GADL1: variants seen among roughly 807,000 people sequenced by gnomAD.
GADL1 encodes acidic amino acid decarboxylase GADL1.
Under a neutral mutation model 69.5 loss-of-function variants are expected in GADL1, and 71 were observed. The observed-to-expected ratio is 1.02, with a 90% CI of 0.84 to 1.25. GADL1 has a LOEUF of 1.25. Among genes scored for constraint, GADL1 ranks in the 50% most tolerant of loss-of-function variants. GADL1 has a pLI of 0.00. For missense variants in GADL1, 737 were observed against 631.8 expected (o/e 1.17, Z -1.79); for synonymous variants, 254 against 214.4 (o/e 1.18, Z -1.62).
chr3:30,832,768 T>C (rs1697813478), intron 11 of GADL1, among the ~76,000 whole-genome samples: 1 of 152,070 alleles, frequency 6.6e-6, no homozygotes, highest in Non-Finnish European at 1.5e-5. Flanking sequence ...CAAATAGTCA[T>C]ACCACAATTT....
Position 30,735,792 on chromosome 3 carries a change from T to C in GADL1, c.1393-7377A>G, listed in dbSNP as rs551512864. Among the ~76,000 whole-genome samples, 31 of 152,250 alleles carry C rather than the reference T, an allele frequency of 2.0e-4. No homozygotes were observed. In the East Asian group the frequency reaches 4.2e-3, roughly 21 times the overall value. ...GCAAAGGAAGAAGGCATTTTGAACATGGTGGAACTTGAAGCTTTTCTTCCT... is the reference window on the plus strand; with the variant it reads ...GCAAAGGAAGAAGGCATTTTGAACACGGTGGAACTTGAAGCTTTTCTTCCT... On this transcript the variant is annotated intron_variant, in intron 14 of 14. Transcript: ENST00000282538.
At chr3:30,817,106 G>A (rs185910443) in intron 11 of GADL1, among the ~76,000 whole-genome samples, 1 of 152,162 alleles carries the variant, frequency 6.6e-6, no homozygotes, top group African/African-American at 2.4e-5. Flanking sequence ...TTACAATGAT[G>A]AGAGACAATA....
chr3:30,870,417 A>G (rs1043489687), intron 1 of GADL1, among the ~76,000 whole-genome samples: 2 of 151,780 alleles, frequency 1.3e-5, no homozygotes, highest in African/African-American at 4.8e-5. Flanking sequence ...GAAAGAGATA[A>G]GTGTGGCCCA....
intron 14 of GADL1, among the ~76,000 whole-genome samples, chr3:30,771,036 A>G (rs899973267): frequency 1.3e-5 from 2 of 152,226 alleles, no homozygotes; most frequent in African/African-American, 4.8e-5. Flanking sequence ...CTCATCATGA[A>G]CTTCCCGTTA....
intron 14 of GADL1, among the ~76,000 whole-genome samples, chr3:30,759,995 A>G (rs960724225): frequency 6.6e-6 from 1 of 152,216 alleles, no homozygotes; most frequent in Non-Finnish European, 1.5e-5. Context: ...AGTCCAGCCT[A>G]AATTAGCTAC....
intron 13 of GADL1, among the ~76,000 whole-genome samples, chr3:30,782,917 G>T (rs1696698901): frequency 6.6e-6 from 1 of 152,072 alleles, no homozygotes; most frequent in Non-Finnish European, 1.5e-5. Context: ...GCAATTAGGA[G>T]GTAGTTATAT....
At chr3:30,779,667 AAC>A (rs1463880170) in intron 13 of GADL1, among the ~76,000 whole-genome samples, 6 of 152,250 alleles carry the variant, frequency 3.9e-5, no homozygotes, top group Admixed American at 6.5e-5. Context: ...ATTTAATGTG[AAC>A]ACATTTTTCA....
At chr3:30,731,353 C>T (rs1695454158) in intron 14 of GADL1, among the ~76,000 whole-genome samples, 1 of 152,086 alleles carries the variant, frequency 6.6e-6, no homozygotes, top group Non-Finnish European at 1.5e-5. Flanking sequence ...TTCAATACTT[C>T]CATTTTTTCT....
chr3:30,849,223 A>AG (rs1336006396), intron 6 of GADL1, among the ~76,000 whole-genome samples: 7 of 152,176 alleles, frequency 4.6e-5, no homozygotes, highest in African/African-American at 1.7e-4. Flanking sequence ...TAGACATGGA[A>AG]GGGGGCCCAG....
intron 2 of GADL1, among the ~76,000 whole-genome samples, chr3:30,859,052 GGT>G (rs1698275518): frequency 6.6e-6 from 1 of 152,006 alleles, no homozygotes; most frequent in Non-Finnish European, 1.5e-5. Flanking sequence ...TCAACAAGGA[GGT>G]GTTCTTGGCA....
chr3:30,890,035 T>C (rs1008639124), intron 1 of GADL1, among the ~76,000 whole-genome samples: 3 of 152,232 alleles, frequency 2.0e-5, no homozygotes, highest in Non-Finnish European at 2.9e-5. Flanking sequence ...TAGTATTCTA[T>C]ACTCTACCAT....
At chr3:30,805,553 A>G (rs921207191) in intron 11 of GADL1, among the ~76,000 whole-genome samples, 46 of 152,250 alleles carry the variant, frequency 3.0e-4, no homozygotes, top group African/African-American at 1.1e-3. Flanking sequence ...ATCTGGTAAC[A>G]TTATGGAAAA....
At position 30,778,182 on chromosome 3, in the gene GADL1, A is replaced by G. The variant is rs1696581443; in HGVS notation, c.1389T>C (p.Asn463=). ...ATACCATTTACTTATTACTTACCAA[A>G]TTAAGTTTTGCCCAGAACTCGGGTC... ...EEGPEFWAKL[N]LVAPAIKERM... is the part of the protein sequence containing the mutation. The change falls in exon 14 of 15, where the codon AAT becomes AAC. Residue 463 remains asparagine, a synonymous_variant. Coordinates refer to ENST00000282538, the MANE Select transcript of GADL1 (RefSeq NM_207359.3). The G allele has an allele frequency of 5.1e-6, 8 of 1,579,556 alleles. No homozygotes were observed. The highest frequency in any genetic ancestry group is 6.1e-6 in the Non-Finnish European group (7 of 1,149,052).
chr3:30,752,210 T>C (rs900950831), intron 14 of GADL1, among the ~76,000 whole-genome samples: 11 of 152,194 alleles, frequency 7.2e-5, no homozygotes, highest in African/African-American at 2.7e-4. Context: ...CTTTAGGGTT[T>C]TCGACAGCTT....
At chr3:30,771,555 AC>A (rs1696419953) in intron 14 of GADL1, among the ~76,000 whole-genome samples, 2 of 152,202 alleles carry the variant, frequency 1.3e-5, no homozygotes, top group Non-Finnish European at 2.9e-5. Context: ...GACTCTTTAA[AC>A]ATAAATTTTA....
chr3:30,819,993 T>C (rs1697543484), intron 11 of GADL1, among the ~76,000 whole-genome samples: 1 of 151,998 alleles, frequency 6.6e-6, no homozygotes, highest in African/African-American at 2.4e-5. Context: ...TAAAAACTGA[T>C]GCCTGTTATT....
intron 1 of GADL1, among the ~76,000 whole-genome samples, chr3:30,874,942 C>T (rs1698556930): frequency 1.3e-5 from 2 of 151,914 alleles, no homozygotes; most frequent in African/African-American, 2.4e-5. Flanking sequence ...TCTGGTCTTG[C>T]CTGGGCTCAC....
rs556620430 is a variant in GADL1, at chr3:30,806,125, T to C, written c.1051-5037A>G. On this transcript the variant is annotated intron_variant, in intron 11 of 14. Transcript: ENST00000282538. ...TTTGTATTTCCTCCTTGCAATGATGTTTTTCAGCTCATCAAAGAAAAGCTA... is the reference window on the plus strand; with the variant it reads ...TTTGTATTTCCTCCTTGCAATGATGCTTTTCAGCTCATCAAAGAAAAGCTA... Among the ~76,000 whole-genome samples the C allele has an allele frequency of 4.3e-4, 66 of 152,122 alleles. 2 individuals are homozygous for C. The highest frequency in any genetic ancestry group is 3.4e-3 in the Middle Eastern group (1 of 294).
intron 14 of GADL1, among the ~76,000 whole-genome samples, chr3:30,728,875 T>C (rs767900506): frequency 6.6e-6 from 1 of 152,042 alleles, no homozygotes; most frequent in South Asian, 2.1e-4. Flanking sequence ...AAATTAGTCA[T>C]AGATGGAAAA....
Sources: allele counts gnomAD v4.1 joint callset (sites outside exome capture counted in the v4.1 genomes callset), GRCh38; gene constraint gnomAD v4.1.1; transcripts MANE v1.5; gene names NCBI Gene and HGNC (gene_info 2026-07-23, HGNC 2026-07-21).